The following TYW1B variants were observed in gnomAD, a reference collection of about 807,000 sequenced individuals.
TYW1B encodes S-adenosyl-L-methionine-dependent tRNA 4-demethylwyosine synthase TYW1B.
A neutral mutation model predicts 86.9 loss-of-function variants in TYW1B; 73 were observed. The observed-to-expected ratio is 0.84, with a 90% CI of 0.70 to 1.02. The LOEUF is 1.02. Ranked by LOEUF, TYW1B falls within the 50% of genes least tolerant of loss-of-function variation. The probability of loss-of-function intolerance (pLI) is 0.00; values close to 1 mark genes in which losing one functional copy is unlikely to be tolerated. For missense variants in TYW1B, 637 were observed against 827.4 expected (o/e 0.77, Z 2.82); for synonymous variants, 248 against 292.8 (o/e 0.85, Z 1.56).
chr7:72,802,641 G>A (rs1788423048), intron 5 of TYW1B, 119 bp from the exon 6 acceptor site: 31 of 1,451,850 alleles, frequency 2.1e-5, no homozygotes, highest in Non-Finnish European at 2.7e-5. Flanking sequence ...TTTTCTTTGA[G>A]ACAGGGTCTC....
intron 10 of TYW1B, among the ~76,000 whole-genome samples, chr7:72,704,588 A>G (rs1554453308): frequency 2.1e-5 from 2 of 93,710 alleles, no homozygotes; most frequent in African/African-American, 4.9e-5. Flanking sequence ...GTCTCTGAAG[A>G]AAAAAAAAAA....
At chr7:72,700,472 CCTTT>C (rs529574954) in intron 10 of TYW1B, among the ~76,000 whole-genome samples, 157 of 152,158 alleles carry the variant, frequency 1.0e-3, no homozygotes, top group African/African-American at 3.6e-3. Context: ...CACGCCTGGA[CCTTT>C]CTTTGATTTT....
intron 11 of TYW1B, among the ~76,000 whole-genome samples, chr7:72,682,460 T>A (rs1462585132): frequency 6.6e-6 from 1 of 152,172 alleles, no homozygotes; most frequent in African/African-American, 2.4e-5. Flanking sequence ...AGAATTTTTA[T>A]ATCCTAAGGG....
At chr7:72,587,194 C>T (rs1246499941) in intron 13 of TYW1B, among the ~76,000 whole-genome samples, 3 of 151,964 alleles carry the variant, frequency 2.0e-5, no homozygotes, top group African/African-American at 4.8e-5. Flanking sequence ...GTCCAGGGGT[C>T]GTCTGAGGGA....
chr7:72,632,922 C>T (rs1344991743), intron 11 of TYW1B, among the ~76,000 whole-genome samples: 1 of 152,014 alleles, frequency 6.6e-6, no homozygotes, highest in Admixed American at 6.6e-5. Flanking sequence ...GGGTGTGAAC[C>T]CAAGCAGTAG....
At chr7:72,773,187 C>A (rs1787896446) in intron 7 of TYW1B, among the ~76,000 whole-genome samples, 1 of 152,150 alleles carries the variant, frequency 6.6e-6, no homozygotes, top group African/African-American at 2.4e-5. Flanking sequence ...AAGAAAAAAA[C>A]TGTACATTAC....
chr7:72,818,339 T>C (rs1431481240), intron 2 of TYW1B, among the ~76,000 whole-genome samples: 1 of 151,824 alleles, frequency 6.6e-6, no homozygotes, highest in Non-Finnish European at 1.5e-5. Flanking sequence ...CCCAGCACTT[T>C]GGGAGGCTGA....
At position 72,807,147 on chromosome 7, in the gene TYW1B, T is replaced by C. The variant is rs1554476882; in HGVS notation, c.642A>G (p.Lys214=). Residue 214 remains lysine, a synonymous_variant, in exon 5 of 14, where the codon AAA becomes AAG. Coordinates refer to ENST00000620995, the MANE Select transcript of TYW1B (RefSeq NM_001145440.3). ...KSCGGHCKKG[K]CESHQHGSEE... ...CTGAGCCATGTTGGTGAGATTCACA[T>C]TTGCCTTTCTTGCAGTGGCCGCCAC... 6.2e-7 allele frequency: 1 copy of C among 1,614,030 alleles called. No individual in the cohort carries two copies. The highest frequency in any genetic ancestry group is 1.3e-5 in the African/African-American group (1 of 74,932).
chr7:72,764,220 T>C (rs1473837658), intron 7 of TYW1B, among the ~76,000 whole-genome samples: 1 of 152,206 alleles, frequency 6.6e-6, no homozygotes, highest in Non-Finnish European at 1.5e-5. Context: ...CTGTTCTGAA[T>C]TATTCTCTGA....
Position 72,603,885 on chromosome 7 carries a change from G to A in TYW1B, c.1785+12787C>T, listed in dbSNP as rs1409276889. On this transcript the variant is annotated intron_variant, in intron 13 of 13. Transcript: ENST00000620995. Reference sequence around the variant, plus strand: ...AGGTCATCAAAAATAAGGAAAGTCTGAGAACTGCCACACCAAGAGGAGCCT... The same window carrying A: ...AGGTCATCAAAAATAAGGAAAGTCTAAGAACTGCCACACCAAGAGGAGCCT... Among the ~76,000 whole-genome samples, 3 of 152,238 alleles carry A rather than the reference G, an allele frequency of 2.0e-5. No individual in the cohort carries two copies. The East Asian group carries it at 5.8e-4, about 29-fold the overall frequency.
intron 10 of TYW1B, among the ~76,000 whole-genome samples, chr7:72,710,786 A>T (rs188472379): frequency 2.0e-5 from 3 of 152,168 alleles, no homozygotes; most frequent in Non-Finnish European, 4.4e-5. Context: ...CCAGCCTGGG[A>T]GACAAAGCTA....
At chr7:72,804,430 CCT>C (rs1447944726) in intron 5 of TYW1B, among the ~76,000 whole-genome samples, 2 of 152,062 alleles carry the variant, frequency 1.3e-5, no homozygotes, top group Admixed American at 6.6e-5. Flanking sequence ...TAAAACAGCC[CCT>C]CTTAGGCGAG....
At chr7:72,738,996 G>A (rs1472310595) in intron 8 of TYW1B, among the ~76,000 whole-genome samples, 4 of 152,102 alleles carry the variant, frequency 2.6e-5, no homozygotes, top group Non-Finnish European at 5.9e-5. Context: ...TGAGGCAGGA[G>A]GATCACGTGA....
chr7:72,744,595 G>A lies in TYW1B; in HGVS notation c.971C>T (p.Ala324Val). The A allele has an allele frequency of 6.2e-7, 1 of 1,613,776 alleles. No homozygotes were observed. Among genetic ancestry groups the A allele is most frequent in the Non-Finnish European group, 8.5e-7 (1 of 1,179,730 alleles). The change falls in exon 8 of 14, where the codon GCT becomes GTT. Residue 324 changes from alanine to valine, a missense_variant. Transcript: ENST00000620995. Reference protein sequence around the residue: ...LREALTKQVDAPRERSLLQTH... With the variant: ...LREALTKQVDVPRERSLLQTH... ...TTGTAACAAGCTCCTCTCCCTCGGA[G>A]CATCGACTATGACAAGTAAACAAAT... is the stretch of plus-strand genomic sequence containing the variant.
chr7:72,659,943 G>T (rs1554444232), intron 11 of TYW1B, among the ~76,000 whole-genome samples: 1 of 152,022 alleles, frequency 6.6e-6, no homozygotes, highest in African/African-American at 2.4e-5. Context: ...TCTAATCCAG[G>T]GGTCAGTTAA....
chr7:72,808,508 A>C (rs1272848380), intron 4 of TYW1B, among the ~76,000 whole-genome samples: 1 of 149,734 alleles, frequency 6.7e-6, no homozygotes, highest in Non-Finnish European at 1.5e-5. Flanking sequence ...ATAGAATGAA[A>C]ACAGCTTTTA....
intron 6 of TYW1B, among the ~76,000 whole-genome samples, chr7:72,799,774 T>G (rs1306864176): frequency 6.6e-6 from 1 of 152,216 alleles, no homozygotes; most frequent in Non-Finnish European, 1.5e-5. Flanking sequence ...GGTCTGCCTT[T>G]TTTTTAAAAG....
intron 9 of TYW1B, among the ~76,000 whole-genome samples, chr7:72,715,982 T>C (rs188641678): frequency 6.6e-5 from 10 of 152,254 alleles, no homozygotes; most frequent in African/African-American, 2.4e-4. Context: ...CCAGGCTGGA[T>C]TGCAGTGGCA....
chr7:72,631,503 G>A (rs1812490999), intron 11 of TYW1B, among the ~76,000 whole-genome samples: 1 of 152,078 alleles, frequency 6.6e-6, no homozygotes, highest in African/African-American at 2.4e-5. Context: ...AACAGAGTGA[G>A]ACTCTGTCTC....
Sources: allele counts gnomAD v4.1 joint callset (sites outside exome capture counted in the v4.1 genomes callset), GRCh38; gene constraint gnomAD v4.1.1; transcripts MANE v1.5; gene names NCBI Gene and HGNC (gene_info 2026-07-23, HGNC 2026-07-21).